The following KCNIP4 variants were observed in gnomAD, a reference collection of about 807,000 sequenced individuals.
The protein encoded by KCNIP4 is Kv channel-interacting protein 4.
KCNIP4 carries 12 observed loss-of-function variants against 34.0 expected under a neutral mutation model. The observed-to-expected ratio is 0.35, with a 90% CI of 0.23 to 0.57. The LOEUF (loss-of-function observed/expected upper bound fraction) is 0.57. Ranked by LOEUF, KCNIP4 falls within the 20% of genes least tolerant of loss-of-function variation. The pLI, the probability that KCNIP4 is intolerant of heterozygous loss-of-function variation, is 0.83. For synonymous variants in KCNIP4, 124 were observed against 102.2 expected (o/e 1.21, Z -1.29); for missense variants, 238 against 311.7 (o/e 0.76, Z 1.78).
At chr4:20,899,893 G>A (rs573786198) in intron 1 of KCNIP4, among the ~76,000 whole-genome samples, 1 of 152,094 alleles carries the variant, frequency 6.6e-6, no homozygotes, top group Admixed American at 6.6e-5. Context: ...ACTCTGACTA[G>A]GCTTCATCCT....
rs3967079 is a variant in KCNIP4 at position 21,925,235 on chromosome 4, C to G, written c.61+23336G>C. Among the ~76,000 whole-genome samples, 3 of 137,182 alleles carry G rather than the reference C, an allele frequency of 2.2e-5. No individual in the cohort carries two copies. In the East Asian group the frequency reaches 8.1e-4, roughly 37 times the overall value. 90.0% of individuals were successfully genotyped at this position (137,182 alleles called of 152,430 possible). On this transcript the variant is annotated intron_variant, in intron 1 of 8. Transcript: ENST00000382152. ...TCTCCTAATGTTATCCCTTCCCCCTCCCCCCACCCCACAACAGTCCCTGGT... is the reference window on the plus strand; with the variant it reads ...TCTCCTAATGTTATCCCTTCCCCCTGCCCCCACCCCACAACAGTCCCTGGT...
chr4:21,371,052 T>C lies in KCNIP4; in HGVS notation c.62-488343A>G, dbSNP rs1024708018. 7.2e-5 allele frequency among the ~76,000 whole-genome samples: 10 copies of C among 139,162 alleles called. 2 individuals are homozygous for C. Among genetic ancestry groups the C allele is most frequent in the African/African-American group, 3.1e-4 (10 of 31,790 alleles). The allele number at this position is 139,162 out of a possible 152,430, so 91.3% of individuals were successfully genotyped here. On this transcript the variant is annotated intron_variant, in intron 1 of 8. Transcript: ENST00000382152. ...TGTGCATGTCTGGTGGGGGTAGGGG[T>C]GAAGGTGGGAGTGTTTGAGGTCAAA...
At chr4:20,754,356 T>A (rs1308598988) in intron 4 of KCNIP4, among the ~76,000 whole-genome samples, 1 of 152,168 alleles carries the variant, frequency 6.6e-6, no homozygotes, top group African/African-American at 2.4e-5. Flanking sequence ...GGTGAGATGT[T>A]GTGATTTATG....
At chr4:20,879,665 C>T (rs1158745307) in intron 2 of KCNIP4, among the ~76,000 whole-genome samples, 3 of 152,162 alleles carry the variant, frequency 2.0e-5, no homozygotes, top group Non-Finnish European at 4.4e-5. Context: ...TAGTTTAAAT[C>T]TGTATTTAAC....
chr4:20,816,478 C>T (rs1716403909), intron 3 of KCNIP4, among the ~76,000 whole-genome samples: 1 of 152,102 alleles, frequency 6.6e-6, no homozygotes, highest in Non-Finnish European at 1.5e-5. Context: ...AAAGACCTCT[C>T]CAGCCATCCT....
rs891484982 is a variant in KCNIP4 at position 21,374,305 on chromosome 4, G to A, written c.62-491596C>T. ...GCTGGGGAGGCCTCACAAACATGGC[G>A]GAAGGTGAAAGGCAAAAGGCACAAC... is the stretch of plus-strand genomic sequence containing the variant. On this transcript the variant is annotated intron_variant, in intron 1 of 8. Coordinates refer to ENST00000382152, the MANE Select transcript of KCNIP4 (RefSeq NM_025221.6). Among the ~76,000 whole-genome samples the A allele has an allele frequency of 1.1e-4, 16 of 147,102 alleles. 4 individuals carry two copies. Among genetic ancestry groups the A allele is most frequent in the African/African-American group, 3.3e-4 (12 of 36,786 alleles).
intron 1 of KCNIP4, among the ~76,000 whole-genome samples, chr4:21,604,673 C>T (rs1225642359): frequency 1.3e-5 from 2 of 152,072 alleles, no homozygotes; most frequent in Non-Finnish European, 2.9e-5. Flanking sequence ...TAAGATAAAG[C>T]CAACTTTTAC....
At chr4:21,779,110 T>G (rs1428316281) in intron 1 of KCNIP4, among the ~76,000 whole-genome samples, 1 of 152,084 alleles carries the variant, frequency 6.6e-6, no homozygotes, top group Non-Finnish European at 1.5e-5. Flanking sequence ...CATAAGGGAT[T>G]CCACTGTGAT....
At chr4:21,613,335 C>T in intron 1 of KCNIP4, 1 of 152,280 alleles carries the variant, frequency 6.6e-6, no homozygotes, top group Non-Finnish European at 1.5e-5. Flanking sequence ...GGTTCAGTCT[C>T]TGTGGGCCAC....
chr4:21,568,194 TGA>T (rs1402263017), intron 1 of KCNIP4, among the ~76,000 whole-genome samples: 3 of 152,124 alleles, frequency 2.0e-5, no homozygotes, highest in African/African-American at 7.2e-5. Flanking sequence ...ATTCATGTGT[TGA>T]GTTTCTAATC....
At chr4:20,888,857 G>C (rs554507222) in intron 1 of KCNIP4, among the ~76,000 whole-genome samples, 1 of 152,160 alleles carries the variant, frequency 6.6e-6, no homozygotes, top group South Asian at 2.1e-4. Flanking sequence ...ATGTTCAAGA[G>C]AGTGAAAATA....
At chr4:21,939,815 A>G (rs1343380769) in intron 1 of KCNIP4, among the ~76,000 whole-genome samples, 1 of 152,182 alleles carries the variant, frequency 6.6e-6, no homozygotes, top group Non-Finnish European at 1.5e-5. Context: ...AGGATGTGAG[A>G]AAAGTTGAGC....
intron 1 of KCNIP4, among the ~76,000 whole-genome samples, chr4:21,016,290 T>TTTTTTTC (rs1390694616): frequency 1.3e-5 from 2 of 149,378 alleles, no homozygotes; most frequent in South Asian, 4.2e-4. Flanking sequence ...ATTTCTTTTC[T>TTTTTTTC]TTTTTTCTTT....
intron 1 of KCNIP4, among the ~76,000 whole-genome samples, chr4:21,118,073 A>G (rs576860780): frequency 6.6e-6 from 1 of 152,196 alleles, no homozygotes; most frequent in Non-Finnish European, 1.5e-5. Flanking sequence ...TGAGTTGTGA[A>G]TATTTAACTT....
At chr4:21,208,803 C>G (rs767562129) in intron 1 of KCNIP4, among the ~76,000 whole-genome samples, 2 of 152,162 alleles carry the variant, frequency 1.3e-5, no homozygotes, top group African/African-American at 4.8e-5. Flanking sequence ...ACTCATAGTT[C>G]AGCATGGCTC....
At chr4:20,777,089 C>A (rs1756440396) in intron 3 of KCNIP4, among the ~76,000 whole-genome samples, 2 of 152,272 alleles carry the variant, frequency 1.3e-5, no homozygotes, top group African/African-American at 4.8e-5. Flanking sequence ...CTATAAAGAA[C>A]TGTTCAAGAA....
At chr4:20,936,255 G>T (rs1731047375) in intron 1 of KCNIP4, among the ~76,000 whole-genome samples, 1 of 152,072 alleles carries the variant, frequency 6.6e-6, no homozygotes, top group South Asian at 2.1e-4. Context: ...CCTATAACAG[G>T]ATTAAAGAAC....
At chr4:21,878,867 G>T (rs1474762404) in intron 1 of KCNIP4, among the ~76,000 whole-genome samples, 3 of 152,266 alleles carry the variant, frequency 2.0e-5, no homozygotes, top group Admixed American at 6.5e-5. Context: ...TGAACATAAA[G>T]AAGTGAGCTG....
intron 1 of KCNIP4, among the ~76,000 whole-genome samples, chr4:21,650,109 G>A (rs1192023537): frequency 6.6e-6 from 1 of 152,148 alleles, no homozygotes; most frequent in African/African-American, 2.4e-5. Context: ...CCTTGAAGCA[G>A]AAACTAACAG....
Sources: allele counts gnomAD v4.1 joint callset (sites outside exome capture counted in the v4.1 genomes callset), GRCh38; gene constraint gnomAD v4.1.1; transcripts MANE v1.5; gene names NCBI Gene and HGNC (gene_info 2026-07-23, HGNC 2026-07-21).